The following EVI2B variants were observed in gnomAD, a reference collection of about 807,000 sequenced individuals.
EVI2B encodes the protein protein EVI2B.
In EVI2B, 4 loss-of-function variants were observed where a neutral mutation model predicts 6.6. The ratio of observed to expected loss-of-function variants is 0.61; its 90% CI spans 0.30 to 1.39. EVI2B has a LOEUF of 1.39. Among genes scored for constraint, EVI2B ranks in the 40% most tolerant of loss-of-function variants. EVI2B has a pLI of 0.08. For missense variants in EVI2B, 484 were observed against 516.6 expected, an observed-to-expected ratio of 0.94 and a Z score of 0.61; for synonymous variants, 181 against 186.8, an observed-to-expected ratio of 0.97 and a Z score of 0.25.
At chr17:31,311,268 T>C (rs2068868691) in intron 1 of EVI2B, among the ~76,000 whole-genome samples, 1 of 152,094 alleles carries the variant, frequency 6.6e-6, no homozygotes, top group East Asian at 1.9e-4. Flanking sequence ...CATGTTCTTA[T>C]AAATATAATG....
At position 31,304,482 on chromosome 17, in the gene EVI2B, A is replaced by T; in HGVS notation, c.1128T>A (p.Ser376=). The T allele has an allele frequency of 6.2e-7, 1 of 1,614,166 alleles. No individual in the cohort carries two copies. The highest frequency in any genetic ancestry group is 8.5e-7 in the Non-Finnish European group (1 of 1,180,014). The part of the protein sequence containing the change: ...LPNDSTSLPP[S]LDCLNQDCGD... ...CACAGTCTTGATTGAGACAGTCCAGAGATGGAGGGAGACTAGTAGAATCAT... is the reference window on the plus strand; with the variant it reads ...CACAGTCTTGATTGAGACAGTCCAGTGATGGAGGGAGACTAGTAGAATCAT... Residue 376 remains serine, a synonymous_variant, in exon 2 of 2, where the codon TCT becomes TCA. Coordinates refer to ENST00000330927, the MANE Select transcript of EVI2B (RefSeq NM_006495.4).
At position 31,305,300 on chromosome 17, in the gene EVI2B, A is replaced by T. The variant is rs767820560; in HGVS notation, c.310T>A (p.Tyr104Asn). ...ATTGGTGTTGGTTGTTTGGTGTTGT[A>T]GGCAAGTGGTTGTCCAGCAGAAGTA... ...AHTSAGQPLA[Y>N]NTKQPTPIAN... The change falls in exon 2 of 2, where the codon TAC becomes AAC. Residue 104 changes from tyrosine (Y) to asparagine (N), a missense_variant. Tyr to Asn is a moderately radical substitution (Grantham distance 143). Transcript: ENST00000330927. 1 of 1,614,106 alleles carries T rather than the reference A, an allele frequency of 6.2e-7. No homozygotes were observed. The highest frequency in any genetic ancestry group is 2.2e-5 in the East Asian group (1 of 44,884).
At position 31,304,241 on chromosome 17, in the gene EVI2B, G is replaced by A. The variant is rs1243293388; in HGVS notation, c.*22C>T. On this transcript the variant is annotated 3_prime_UTR_variant, in exon 2 of 2. Transcript: ENST00000330927. ...AGAGTCATTTGAGGATGGAAGATCA[G>A]CTAAAAAGCAAGTTGTAATATTTAT... 6.4e-7 allele frequency: 1 copy of A among 1,555,410 alleles called. No individual in the cohort carries two copies. Among genetic ancestry groups the A allele is most frequent in the Non-Finnish European group, 8.7e-7 (1 of 1,153,168 alleles).
intron 1 of EVI2B, among the ~76,000 whole-genome samples, chr17:31,313,473 G>A (rs867679161): frequency 2.1e-4 from 32 of 152,186 alleles, no homozygotes; most frequent in Middle Eastern, 3.4e-3. Context: ...GGAGGCGGAG[G>A]TAAGCGGATC....
At chr17:31,312,365 G>A (rs1397146252) in intron 1 of EVI2B, among the ~76,000 whole-genome samples, 1 of 151,886 alleles carries the variant, frequency 6.6e-6, no homozygotes, top group African/African-American at 2.4e-5. Context: ...CAAAAAATTA[G>A]CCAGGCGTGG....
chr17:31,313,825 CTGAG>C (rs2068953214), intron 1 of EVI2B, among the ~76,000 whole-genome samples, 150 bp downstream of exon 1: 1 of 150,974 alleles, frequency 6.6e-6, no homozygotes, highest in African/African-American at 2.4e-5. Flanking sequence ...GCAAGCTGAA[CTGAG>C]TATTTTTTAA....
chr17:31,310,666 C>T (rs1267358618), intron 1 of EVI2B, among the ~76,000 whole-genome samples: 1 of 152,020 alleles, frequency 6.6e-6, no homozygotes, highest in Non-Finnish European at 1.5e-5. Flanking sequence ...TATCCAGAAG[C>T]ATACCTAGCA....
chr17:31,313,720 A>AATGTG (rs1491534857), intron 1 of EVI2B, among the ~76,000 whole-genome samples: 1 of 101,186 alleles, frequency 9.9e-6, no homozygotes, highest in African/African-American at 3.8e-5. Flanking sequence ...AAAAAAAAAA[A>AATGTG]TATGTGTGTG....
At position 31,305,249 on chromosome 17, in the gene EVI2B, C is replaced by A. The variant is rs757911020; in HGVS notation, c.361G>T (p.Val121Leu). Residue 121 changes from valine to leucine, a missense_variant, in exon 2 of 2, where the codon GTG becomes TTG. Physicochemically the swap from Val to Leu is conservative, Grantham distance 32 (BLOSUM62 1). Coordinates refer to ENST00000330927, the MANE Select transcript of EVI2B (RefSeq NM_006495.4). ...GGTAGTTGTCTGGCAGAGGTGAACA[C>A]GGCTTGCTGGGAGGAGGTGTTGGCT... is the stretch of plus-strand genomic sequence containing the variant. ...PIANTSSQQAVFTSARQLPSA... is the reference protein window; with the variant it reads ...PIANTSSQQALFTSARQLPSA... The A allele has an allele frequency of 3.1e-6, 5 of 1,614,094 alleles. No homozygotes were observed. The highest frequency in any genetic ancestry group is 3.4e-6 in the Non-Finnish European group (4 of 1,180,012).
At chr17:31,307,381 C>T (rs905799188) in intron 1 of EVI2B, among the ~76,000 whole-genome samples, 4 of 152,150 alleles carry the variant, frequency 2.6e-5, no homozygotes, top group Admixed American at 6.5e-5. Context: ...GAGAAGTTAA[C>T]CTAGCCTGGA....
At chr17:31,313,310 A>T (rs983587798) in intron 1 of EVI2B, among the ~76,000 whole-genome samples, 1 of 152,232 alleles carries the variant, frequency 6.6e-6, no homozygotes, top group Non-Finnish European at 1.5e-5. Flanking sequence ...TTTGGAGGTT[A>T]TAAATTCAGT....
intron 1 of EVI2B, among the ~76,000 whole-genome samples, chr17:31,310,512 C>T (rs2068842812): frequency 2.0e-5 from 3 of 152,076 alleles, no homozygotes; most frequent in Admixed American, 2.0e-4. Context: ...TTTGTGAGTG[C>T]AGGGAGACAG....
rs570269157 is a variant in EVI2B at position 31,303,859 on chromosome 17, A to C, written c.*404T>G. ...GAGGTATTAATTTAAAACTTGAAGC[A>C]TATACTTAGTCTCTTATTCCTCTCC... is the stretch of plus-strand genomic sequence containing the variant. On this transcript the variant is annotated 3_prime_UTR_variant, in exon 2 of 2. Coordinates refer to ENST00000330927, the MANE Select transcript of EVI2B (RefSeq NM_006495.4). 84 of 154,524 alleles carry C rather than the reference A, an allele frequency of 5.4e-4. No individual in the cohort carries two copies. The highest frequency in any genetic ancestry group is 9.8e-4 in the Non-Finnish European group (68 of 69,548). 9.6% of individuals were successfully genotyped at this position (154,524 alleles called of 1,614,324 possible).
chr17:31,306,181 C>T (rs2068715770), intron 1 of EVI2B, among the ~76,000 whole-genome samples: 1 of 152,150 alleles, frequency 6.6e-6, no homozygotes, highest in African/African-American at 2.4e-5. Flanking sequence ...GTCTTCCTTT[C>T]ATGTTACTCT....
chr17:31,305,008 T>A lies in EVI2B; in HGVS notation c.602A>T (p.Asn201Ile). The A allele has an allele frequency of 6.2e-7, 1 of 1,614,178 alleles. No homozygotes were observed. Among genetic ancestry groups the A allele is most frequent in the East Asian group, 2.2e-5 (1 of 44,882 alleles). The change falls in exon 2 of 2, where the codon AAT (asparagine) becomes ATT (isoleucine). Residue 201 changes from asparagine (N) to isoleucine (I), a missense_variant. Asn to Ile is a moderately radical substitution (Grantham distance 149, BLOSUM62 -3). Transcript: ENST00000330927. ...NKQTPQKNNY[N>I]SIAAILIGVL... ...ACCAATTAGTATGGCAGCTATTGAA[T>A]TATAATTGTTTTTTTGTGGGGTTTG...
chr17:31,310,434 G>C (rs970789499), intron 1 of EVI2B, among the ~76,000 whole-genome samples: 2 of 151,832 alleles, frequency 1.3e-5, no homozygotes, highest in African/African-American at 2.4e-5. Flanking sequence ...AGTTGGGGGT[G>C]GGGGGAGATG....
Position 31,308,322 on chromosome 17 carries a change from G to A in EVI2B, c.-21-2692C>T, listed in dbSNP as rs1219307493. On this transcript the variant is annotated intron_variant, in intron 1 of 1. Transcript: ENST00000330927. ...CACCTGGCTAATTTTTGTATTTTTA[G>A]TAGAGACAGGGTTTCACCATGTTGT... Among the ~76,000 whole-genome samples, 9 of 152,082 alleles carry A rather than the reference G, an allele frequency of 5.9e-5. No individual in the cohort carries two copies. In the South Asian group the frequency reaches 8.3e-4, roughly 14 times the overall value.
intron 1 of EVI2B, among the ~76,000 whole-genome samples, chr17:31,306,628 T>G (rs571712259): frequency 4.6e-5 from 7 of 152,222 alleles, no homozygotes; most frequent in Admixed American, 4.6e-4. Flanking sequence ...TATTGCATAT[T>G]TTTAAAGAAT....
intron 1 of EVI2B, chr17:31,308,088 A>G (rs746661964): frequency 3.7e-5 from 11 of 299,964 alleles, no homozygotes; most frequent in Non-Finnish European, 6.7e-5. Context: ...GTGCATGATC[A>G]GGTTACTACT....
Sources: gnomAD v4.1 joint callset for allele counts (sites outside exome capture counted in the v4.1 genomes callset) on GRCh38, gnomAD v4.1.1 for gene constraint, MANE v1.5 for transcripts, NCBI Gene and HGNC (gene_info 2026-07-23, HGNC 2026-07-21) for gene names.